The following PAM variants were observed in gnomAD, a reference collection of about 807,000 sequenced individuals.
The protein encoded by PAM is peptidylglycine alpha-amidating monooxygenase, also known as peptidyl-glycine alpha-amidating monooxygenase.
Under a neutral mutation model 122.1 loss-of-function variants are expected in PAM, and 72 were observed. The ratio of observed to expected loss-of-function variants is 0.59; its 90% CI spans 0.49 to 0.72. The LOEUF (loss-of-function observed/expected upper bound fraction) is 0.72. PAM is among the 30% of genes least tolerant of loss of function. The pLI, the probability that PAM is intolerant of heterozygous loss-of-function variation, is 0.00. For synonymous variants in PAM, 389 were observed against 404.4 expected (o/e 0.96, Z 0.46); for missense variants, 1,106 against 1,183.7 (o/e 0.93, Z 0.96).
chr5:103,024,496 A>T lies in PAM; in HGVS notation c.2486-635A>T, dbSNP rs111825691. ...ATATAAAAGAGCCTGAAAAGCACAT[A>T]GTTCCTTTTTTCTTTTGTAATCCTA... On this transcript the variant is annotated intron_variant, in intron 23 of 25. Coordinates refer to ENST00000438793, the MANE Select transcript of PAM (RefSeq NM_001177306.2). Among the ~76,000 whole-genome samples the T allele has an allele frequency of 7.8e-3, 1,188 of 152,228 alleles. 20 individuals carry two copies. Among genetic ancestry groups the T allele is most frequent in the African/African-American group, 0.026 (1,081 of 41,502 alleles).
At chr5:102,908,174 T>G (rs1800187372) in intron 4 of PAM, among the ~76,000 whole-genome samples, 4 of 152,254 alleles carry the variant, frequency 2.6e-5, no homozygotes, top group Admixed American at 2.6e-4. Flanking sequence ...GGGATCCATT[T>G]TCAGCTTTCT....
intron 5 of PAM, among the ~76,000 whole-genome samples, chr5:102,924,582 T>A (rs2151713414): frequency 6.6e-6 from 1 of 152,230 alleles, no homozygotes; most frequent in South Asian, 2.1e-4. Flanking sequence ...TGTATGACAC[T>A]TTTTTTAGTC....
rs912693351 is a variant in PAM at position 102,924,392 on chromosome 5, C to T, written c.357-565C>T. ...AGGTTGCAGTGAGTCAAGATCGCGC[C>T]ATTGCACTCCAGCCTGGGCAACAAG... On this transcript the variant is annotated intron_variant, in intron 5 of 25. Transcript: ENST00000438793. Among the ~76,000 whole-genome samples the T allele has an allele frequency of 2.8e-5, 4 of 143,310 alleles. No individual in the cohort carries two copies. In the East Asian group the frequency reaches 8.6e-4, roughly 31 times the overall value. The allele number at this position is 143,310 out of a possible 152,430, so 94.0% of individuals were successfully genotyped here. A position where few individuals can be genotyped will look rare whatever the true frequency, so the allele number is the denominator to read the frequency against.
intron 3 of PAM, among the ~76,000 whole-genome samples, chr5:102,888,355 A>G (rs2151234151): frequency 1.3e-5 from 2 of 151,990 alleles, no homozygotes; most frequent in Middle Eastern, 6.8e-3. Flanking sequence ...TGTGTCTCCT[A>G]AAGGACTGCA....
intron 1 of PAM, among the ~76,000 whole-genome samples, chr5:102,785,077 T>G (rs1760150514): frequency 2.0e-5 from 3 of 152,234 alleles, no homozygotes; most frequent in Admixed American, 1.3e-4. Context: ...TTTTTTATAC[T>G]TTAAGTTCTG....
intron 24 of PAM, among the ~76,000 whole-genome samples, chr5:103,025,832 C>G (rs1784795417): frequency 6.6e-6 from 1 of 152,054 alleles, no homozygotes; most frequent in Non-Finnish European, 1.5e-5. Context: ...AAATAGTTAC[C>G]TTACAAGGTT....
intron 9 of PAM, among the ~76,000 whole-genome samples, chr5:102,949,324 T>C (rs1219419437): frequency 3.9e-5 from 6 of 152,018 alleles, no homozygotes; most frequent in Non-Finnish European, 7.4e-5. Flanking sequence ...AGTCATTCTG[T>C]TTATGAATAA....
intron 1 of PAM, among the ~76,000 whole-genome samples, chr5:102,845,345 A>G (rs572259272): frequency 5.3e-5 from 8 of 152,328 alleles, no homozygotes; most frequent in African/African-American, 1.9e-4. Context: ...ATATACACAG[A>G]TAAGTGGAGA....
intron 1 of PAM, among the ~76,000 whole-genome samples, chr5:102,851,916 C>G (rs1195051517): frequency 6.6e-6 from 1 of 152,180 alleles, no homozygotes; most frequent in Non-Finnish European, 1.5e-5. Flanking sequence ...ATTCTTTCAT[C>G]TCTGTCATTC....
rs1047231745 is a variant in PAM at position 102,938,800 on chromosome 5, T to C, written c.527-8037T>C. 5.3e-5 allele frequency among the ~76,000 whole-genome samples: 8 copies of C among 152,254 alleles called. No individual in the cohort carries two copies. In the South Asian group the frequency reaches 1.7e-3, roughly 32 times the overall value. The stretch of plus-strand genomic sequence containing the variant: ...TAAAATTAGGAGCTACAATTCTGTT[T>C]CAGTGAAATGTAGTTCAGGGCACTC... On this transcript the variant is annotated intron_variant, in intron 7 of 25. Coordinates refer to ENST00000438793, the MANE Select transcript of PAM (RefSeq NM_001177306.2).
At chr5:102,931,256 G>A (rs1319728399) in intron 7 of PAM, among the ~76,000 whole-genome samples, 2 of 152,180 alleles carry the variant, frequency 1.3e-5, no homozygotes, top group African/African-American at 4.8e-5. Flanking sequence ...ACTGTTTTGA[G>A]TGTGTCACGT....
chr5:102,868,391 A>C (rs915380893), intron 3 of PAM, among the ~76,000 whole-genome samples: 7 of 152,322 alleles, frequency 4.6e-5, no homozygotes, highest in African/African-American at 1.4e-4. Flanking sequence ...AAGAATTGGC[A>C]TTCATTTATT....
At chr5:102,813,423 T>C (rs1336983652) in intron 1 of PAM, among the ~76,000 whole-genome samples, 1 of 152,188 alleles carries the variant, frequency 6.6e-6, no homozygotes, top group African/African-American at 2.4e-5. Flanking sequence ...ATGCAGCAAG[T>C]GAGCAATGGA....
intron 1 of PAM, among the ~76,000 whole-genome samples, chr5:102,769,491 AGATTT>A (rs1312525272): frequency 6.6e-6 from 1 of 152,120 alleles, no homozygotes; most frequent in Non-Finnish European, 1.5e-5. Flanking sequence ...TTGAGGTCTT[AGATTT>A]AAGTCTTTAA....
chr5:102,779,918 T>TATATATATATAC (rs147065045), intron 1 of PAM, among the ~76,000 whole-genome samples: 5 of 95,678 alleles, frequency 5.2e-5, no homozygotes, highest in South Asian at 3.7e-4. Context: ...TATATATATA[T>TATATATATATAC]ACACACATAT....
intron 14 of PAM, among the ~76,000 whole-genome samples, chr5:102,971,392 AAGT>A (rs1181772181): frequency 6.6e-6 from 1 of 152,202 alleles, no homozygotes; most frequent in Non-Finnish European, 1.5e-5. Flanking sequence ...TAAAGGCACA[AAGT>A]AGAATTATTT....
intron 15 of PAM, among the ~76,000 whole-genome samples, chr5:102,978,463 C>T (rs1261731599): frequency 6.6e-6 from 1 of 152,066 alleles, no homozygotes; most frequent in East Asian, 1.9e-4. Flanking sequence ...TAGTTGCCCT[C>T]TGGAAACTAG....
intron 5 of PAM, among the ~76,000 whole-genome samples, chr5:102,918,418 G>C (rs1188653680): frequency 6.6e-6 from 1 of 152,030 alleles, no homozygotes; most frequent in Non-Finnish European, 1.5e-5. Context: ...GTGAGCAGAT[G>C]CTCTTTTGAA....
intron 1 of PAM, among the ~76,000 whole-genome samples, chr5:102,863,676 T>A (rs1179444466): frequency 6.6e-6 from 1 of 150,952 alleles, no homozygotes; most frequent in African/African-American, 2.4e-5. Flanking sequence ...CAATGAAATA[T>A]CTGAAATATA....
Sources: gnomAD v4.1 joint callset for allele counts (sites outside exome capture counted in the v4.1 genomes callset) on GRCh38, gnomAD v4.1.1 for gene constraint, MANE v1.5 for transcripts, NCBI Gene and HGNC (gene_info 2026-07-23, HGNC 2026-07-21) for gene names.